Variants in LRPPRC observed in about 807,000 individuals in gnomAD.
LRPPRC encodes the protein leucine rich pentatricopeptide repeat containing.
In LRPPRC, 120 loss-of-function variants were observed where a neutral mutation model predicts 180.3. The ratio of observed to expected loss-of-function variants is 0.67; its 90% CI spans 0.57 to 0.77. The LOEUF is 0.77. LRPPRC is among the 30% of genes least tolerant of loss of function. The probability of loss-of-function intolerance (pLI) is 0.00; values close to 1 mark genes in which losing one functional copy is unlikely to be tolerated. For missense variants in LRPPRC, 2,012 were observed against 1,657.2 expected (o/e 1.21, Z -3.72); for synonymous variants, 723 against 600.0 (o/e 1.21, Z -3.00).
Position 43,943,807 on chromosome 2 carries a change from C to T in LRPPRC, c.2384G>A (p.Gly795Asp), listed in dbSNP as rs894413525. Reference protein sequence around the residue: ...TALSFFHMLNGAALRGEIETV... With the variant: ...TALSFFHMLNDAALRGEIETV... ...TTCAATTTCACCTCTTAAAGCTGCG[C>T]CATTTAGCATGTGGAAAAAGGACAA... The change falls in exon 23 of 38, where the codon GGC (glycine) becomes GAC (aspartate). Residue 795 changes from glycine (G) to aspartate (D), a missense_variant. Gly to Asp is a moderately conservative substitution (Grantham distance 94, BLOSUM62 -1). Coordinates refer to ENST00000260665, the MANE Select transcript of LRPPRC (RefSeq NM_133259.4). 5 of 1,613,322 alleles carry T rather than the reference C, an allele frequency of 3.1e-6. No homozygotes were observed. Among genetic ancestry groups the T allele is most frequent in the African/African-American group, 2.7e-5 (2 of 74,864 alleles).
intron 16 of LRPPRC, among the ~76,000 whole-genome samples, chr2:43,948,865 T>C (rs1351665934): frequency 6.6e-6 from 1 of 152,096 alleles, no homozygotes; most frequent in Non-Finnish European, 1.5e-5. Context: ...AAATGTCTTG[T>C]ACACATTTCT....
intron 1 of LRPPRC, among the ~76,000 whole-genome samples, chr2:43,994,736 T>A (rs1674944305): frequency 6.6e-6 from 1 of 152,138 alleles, no homozygotes; most frequent in Non-Finnish European, 1.5e-5. Context: ...TATCTCCCCT[T>A]CTCTGGTGGT....
chr2:43,945,504 G>T (rs921163502), intron 21 of LRPPRC, 87 bp from the exon 22 acceptor site: 2 of 814,068 alleles, frequency 2.5e-6, no homozygotes, highest in Non-Finnish European at 2.1e-6. Flanking sequence ...CTTTTCAAAA[G>T]CTCATCAGAA....
intron 30 of LRPPRC, among the ~76,000 whole-genome samples, chr2:43,909,699 G>GA (rs1671190290): frequency 6.6e-6 from 1 of 151,852 alleles, no homozygotes; most frequent in African/African-American, 2.4e-5. Context: ...TTGTGGCCTT[G>GA]AAGTAGGCAA....
intron 23 of LRPPRC, among the ~76,000 whole-genome samples, chr2:43,938,109 C>G (rs1017861765): frequency 2.0e-5 from 3 of 151,942 alleles, no homozygotes; most frequent in Non-Finnish European, 4.4e-5. Flanking sequence ...AAGGCTCACT[C>G]CTAATAAAAA....
chr2:43,915,795 T>C (rs1354637757), intron 29 of LRPPRC, among the ~76,000 whole-genome samples: 5 of 152,244 alleles, frequency 3.3e-5, no homozygotes, highest in African/African-American at 1.2e-4. Flanking sequence ...TTTCTTTCTT[T>C]TTTTGAGATA....
chr2:43,959,359 A>C (rs11893433), intron 13 of LRPPRC: 93,310 of 591,272 alleles, frequency 0.16, 9,492 homozygotes, highest in African/African-American at 0.34. Flanking sequence ...ACAATATTAC[A>C]ACAAATATTT....
intron 13 of LRPPRC, among the ~76,000 whole-genome samples, chr2:43,958,476 G>A (rs922641255): frequency 6.6e-6 from 1 of 152,136 alleles, no homozygotes; most frequent in African/African-American, 2.4e-5. Context: ...CACACATAAG[G>A]AGAATTGTTT....
In LRPPRC at chr2:43,934,894, A is replaced by G; in HGVS notation, c.2505-16T>C. 6.2e-7 allele frequency: 1 copy of G among 1,609,344 alleles called. No individual in the cohort carries two copies. The highest frequency in any genetic ancestry group is 8.5e-7 in the Non-Finnish European group (1 of 1,176,054). ...TAGGTCGCCCCTTAGAAACAAAAAA[A>G]TTAGCAATGAATAAAATAAATCGAA... On this transcript the variant is annotated splice_polypyrimidine_tract_variant and intron_variant, in intron 23 of 37. Transcript: ENST00000260665.
At position 43,946,117 on chromosome 2, in the gene LRPPRC, C is replaced by T. The variant is rs1370178388; in HGVS notation, c.2206G>A (p.Glu736Lys). ...TTTCAGTGCCAGGGTACTCACAATT[C>T]TTCTTTCAAGTTCAAGGCATCTTCT... ...KVEDALNLKE[E>K]FDRLDSSAVL... Residue 736 changes from glutamate to lysine, a missense_variant, in exon 21 of 38, where the codon GAA becomes AAA. Physicochemically the swap from Glu to Lys is moderately conservative, Grantham distance 56. Transcript: ENST00000260665. 1.2e-6 allele frequency: 2 copies of T among 1,612,394 alleles called. No individual in the cohort carries two copies. The highest frequency in any genetic ancestry group is 8.5e-7 in the Non-Finnish European group (1 of 1,178,836).
chr2:43,944,299 G>A (rs1672600105), intron 22 of LRPPRC, among the ~76,000 whole-genome samples: 2 of 152,004 alleles, frequency 1.3e-5, no homozygotes, highest in African/African-American at 2.4e-5. Flanking sequence ...TATACAGCCA[G>A]ACTAATGGTC....
Position 43,916,950 on chromosome 2 carries a change from GA to G in LRPPRC, c.3148+1074del, listed in dbSNP as rs763964823. On this transcript the variant is annotated intron_variant, in intron 29 of 37. Coordinates refer to ENST00000260665, the MANE Select transcript of LRPPRC (RefSeq NM_133259.4). The stretch of plus-strand genomic sequence containing the variant: ...ACAGAGTGAGACCTGTCTCCGGGGG[GA>G]AAAAAAAAAAAAAAAAAAGAATAGT... Among the ~76,000 whole-genome samples, 748 of 118,126 alleles carry G rather than the reference GA, an allele frequency of 6.3e-3. 4 individuals carry two copies. Among genetic ancestry groups the G allele is most frequent in the Non-Finnish European group, 8.2e-3 (461 of 56,380 alleles). 77.5% of individuals were successfully genotyped at this position (118,126 alleles called of 152,430 possible). A position where few individuals can be genotyped will look rare whatever the true frequency, so the allele number is the denominator to read the frequency against.
intron 1 of LRPPRC, among the ~76,000 whole-genome samples, chr2:43,990,727 C>T (rs1008689386): frequency 6.6e-6 from 1 of 152,146 alleles, no homozygotes; most frequent in African/African-American, 2.4e-5. Context: ...CTCTTATGGA[C>T]AGCACGTCTA....
chr2:43,987,801 A>T (rs1419225390), intron 1 of LRPPRC, among the ~76,000 whole-genome samples: 2 of 152,202 alleles, frequency 1.3e-5, no homozygotes, highest in Admixed American at 1.3e-4. Context: ...TTTACTTATC[A>T]CATCAATTCT....
At chr2:43,919,765 T>C (rs1201494698) in intron 27 of LRPPRC, among the ~76,000 whole-genome samples, 2 of 152,042 alleles carry the variant, frequency 1.3e-5, no homozygotes, top group Non-Finnish European at 2.9e-5. Flanking sequence ...TGTAATACAA[T>C]TATTAAATGC....
chr2:43,976,713 A>G (rs1674072169), intron 5 of LRPPRC, among the ~76,000 whole-genome samples: 1 of 148,146 alleles, frequency 6.8e-6, no homozygotes, highest in South Asian at 2.2e-4. Context: ...AATATTTAAA[A>G]AAAAAAAAAA....
chr2:43,909,647 ATAT>A (rs1399044045), intron 30 of LRPPRC, among the ~76,000 whole-genome samples: 2 of 141,418 alleles, frequency 1.4e-5, no homozygotes, highest in Non-Finnish European at 3.1e-5. Flanking sequence ...AATAATAATA[ATAT>A]TGAGGGTGGG....
At chr2:43,945,085 T>C (rs1672629311) in intron 22 of LRPPRC, among the ~76,000 whole-genome samples, 1 of 152,080 alleles carries the variant, frequency 6.6e-6, no homozygotes, top group South Asian at 2.1e-4. Flanking sequence ...CAAACAGCAA[T>C]GCTAATAAAA....
In LRPPRC at chr2:43,960,557, G is replaced by C. The variant is rs1433141606; in HGVS notation, c.1566C>G (p.Asp522Glu). ...TATACTTACAAAATGATAATACAAA[G>C]TCTAAGTTCCCATTTGCTGCTTCAC... ...LRSEAANGNL[D>E]FVLSFLKSNT... is the part of the protein sequence containing the mutation. Residue 522 changes from aspartate (D) to glutamate (E), a missense_variant, in exon 13 of 38, where the codon GAC (aspartate) becomes GAG (glutamate). Transcript: ENST00000260665. The C allele has an allele frequency of 6.3e-7, 1 of 1,577,334 alleles. No homozygotes were observed. The highest frequency in any genetic ancestry group is 1.3e-5 in the African/African-American group (1 of 74,146).
Sources: allele counts gnomAD v4.1 joint callset (sites outside exome capture counted in the v4.1 genomes callset), GRCh38; gene constraint gnomAD v4.1.1; transcripts MANE v1.5; gene names NCBI Gene and HGNC (gene_info 2026-07-23, HGNC 2026-07-21).